FRMPD4: variants seen among roughly 807,000 people sequenced by gnomAD.
The protein encoded by FRMPD4 is FERM and PDZ domain-containing protein 4.
A neutral mutation model predicts 94.1 loss-of-function variants in FRMPD4; 22 were observed. That is an observed-to-expected ratio of 0.23 (90% confidence interval 0.17 to 0.33). The LOEUF (loss-of-function observed/expected upper bound fraction) is 0.33, where lower values mean the gene tolerates loss of function less well. Among genes scored for constraint, FRMPD4 ranks in the 10% least tolerant of loss-of-function variants. FRMPD4 has a pLI of 1.00. For synonymous variants in FRMPD4, 631 were observed against 548.6 expected (o/e 1.15, Z -2.10); for missense variants, 1,111 against 1,339.9 (o/e 0.83, Z 2.67).
intron 1 of FRMPD4, among the ~76,000 whole-genome samples, chrX:12,421,791 G>T (rs750651229): frequency 9.2e-6 from 1 of 108,427 alleles, no homozygotes; most frequent in South Asian, 4.1e-4. Flanking sequence ...AAAAAGCTGG[G>T]GGGGCAGGGG....
intron 3 of FRMPD4, among the ~76,000 whole-genome samples, chrX:12,071,771 T>C (rs2054970722): frequency 9.0e-6 from 1 of 110,892 alleles, no homozygotes; most frequent in Non-Finnish European, 1.9e-5. Flanking sequence ...TACAGGGTGG[T>C]GAAAACTTTC....
At chrX:12,014,475 A>G (rs1716043104) in intron 3 of FRMPD4, among the ~76,000 whole-genome samples, 1 of 112,104 alleles carries the variant, frequency 8.9e-6, no homozygotes, top group African/African-American at 3.2e-5. Context: ...TCACTTCTGC[A>G]AGCTAAAACA....
intron 3 of FRMPD4, among the ~76,000 whole-genome samples, chrX:12,087,248 G>T (rs1383361850): frequency 9.0e-6 from 1 of 111,519 alleles, no homozygotes; most frequent in African/African-American, 3.3e-5. Context: ...TAAGGTTGGG[G>T]GTGGGAGAGG....
At chrX:12,237,312 C>T (rs1338778988) in intron 1 of FRMPD4, among the ~76,000 whole-genome samples, 4 of 111,332 alleles carry the variant, frequency 3.6e-5, no homozygotes, top group Non-Finnish European at 5.7e-5. Context: ...CATGTTCAGA[C>T]ATGCTCCATT....
chrX:12,088,164 C>G (rs2055126111), intron 3 of FRMPD4, among the ~76,000 whole-genome samples: 1 of 111,971 alleles, frequency 8.9e-6, no homozygotes, highest in Non-Finnish European at 1.9e-5. Flanking sequence ...AGCTTCTGAA[C>G]AGCAACCTTA....
intron 2 of FRMPD4, among the ~76,000 whole-genome samples, chrX:12,557,412 T>C (rs2058607299): frequency 8.9e-6 from 1 of 112,320 alleles, no homozygotes. Flanking sequence ...GAAGAAAGCC[T>C]GGCTTCATCA....
intron 3 of FRMPD4, among the ~76,000 whole-genome samples, chrX:11,954,165 A>G (rs930573305): frequency 2.7e-5 from 3 of 112,944 alleles, no homozygotes; most frequent in Non-Finnish European, 5.6e-5. Flanking sequence ...TTTTGTAATT[A>G]AATGGAATTT....
chrX:11,836,671 C>G, intron 1 of FRMPD4, among the ~76,000 whole-genome samples: 1 of 111,604 alleles, frequency 9.0e-6, no homozygotes, highest in East Asian at 2.8e-4. Context: ...ATAGAACAAG[C>G]TACAGAGTTG....
intron 1 of FRMPD4, among the ~76,000 whole-genome samples, chrX:12,405,312 G>A (rs2056654285): frequency 9.0e-6 from 1 of 111,249 alleles, no homozygotes; most frequent in African/African-American, 3.3e-5. Context: ...GGGGGTTGGG[G>A]CACAGTCAGA....
chrX:12,379,467 A>G (rs1163875245), intron 1 of FRMPD4, among the ~76,000 whole-genome samples: 1 of 111,709 alleles, frequency 9.0e-6, no homozygotes, highest in Non-Finnish European at 1.9e-5. Flanking sequence ...ATAAATTGCA[A>G]TTTAAAAATA....
chrX:12,432,465 C>T (rs192941023), intron 1 of FRMPD4, among the ~76,000 whole-genome samples: 2 of 112,143 alleles, frequency 1.8e-5, no homozygotes, highest in East Asian at 2.8e-4. Context: ...AAGGTGTCAA[C>T]CAGAGCCACA....
chrX:12,717,532 G>A lies in FRMPD4; in HGVS notation c.2706G>A (p.Glu902=). 1 of 1,203,180 alleles carries A rather than the reference G, an allele frequency of 8.3e-7. No individual in the cohort carries two copies. Among genetic ancestry groups the A allele is most frequent in the East Asian group, 3.0e-5 (1 of 33,829 alleles). Residue 902 remains glutamate (E), a synonymous_variant, in exon 16 of 17, where the codon GAG becomes GAA. Transcript: ENST00000675598. The stretch of plus-strand genomic sequence containing the variant: ...CCATCTTGCGGGCTTATAGTCCTGA[G>A]TCTTCGTCAGACTCGGGCAATGAAA... ...GVAILRAYSP[E]SSSDSGNETN...
chrX:12,671,850 C>T (rs2148501657), intron 4 of FRMPD4, among the ~76,000 whole-genome samples: 1 of 111,571 alleles, frequency 9.0e-6, no homozygotes, highest in African/African-American at 3.3e-5. Flanking sequence ...TATAACAGCT[C>T]CCCAGGGCCA....
chrX:12,231,000 A>AG lies in FRMPD4; in HGVS notation c.41+91988_41+91989insG, dbSNP rs1278654687. Among the ~76,000 whole-genome samples, 9 of 57,234 alleles carry AG rather than the reference A, an allele frequency of 1.6e-4. 1 individual carries two copies. In the East Asian group the frequency reaches 4.1e-3, roughly 26 times the overall value. The allele number at this position is 57,234 out of a possible 115,157, so 49.7% of individuals were successfully genotyped here. On this transcript the variant is annotated intron_variant, in intron 1 of 16. Coordinates refer to ENST00000675598, the MANE Select transcript of FRMPD4 (RefSeq NM_001368397.1). ...AATATATATAGTATATATAGTATAT[A>AG]TAATATATAGTATATATAGTATATA...
At chrX:12,025,980 T>G (rs774414293) in intron 3 of FRMPD4, among the ~76,000 whole-genome samples, 3 of 112,095 alleles carry the variant, frequency 2.7e-5, no homozygotes, top group Non-Finnish European at 5.6e-5. Flanking sequence ...TGGGGGTAAT[T>G]TGTTACATAG....
At chrX:12,499,327 G>C (rs1227068831) in intron 2 of FRMPD4, among the ~76,000 whole-genome samples, 1 of 111,918 alleles carries the variant, frequency 8.9e-6, no homozygotes, top group Non-Finnish European at 1.9e-5. Flanking sequence ...CTGGTTTTTT[G>C]TTAATTGTGG....
At chrX:12,403,761 G>C (rs2056635820) in intron 1 of FRMPD4, among the ~76,000 whole-genome samples, 1 of 111,287 alleles carries the variant, frequency 9.0e-6, no homozygotes. Flanking sequence ...GATGCTTTCT[G>C]CTCTCCCCTG....
chrX:11,961,642 A>G (rs1486344302), intron 3 of FRMPD4, among the ~76,000 whole-genome samples: 1 of 111,557 alleles, frequency 9.0e-6, no homozygotes, highest in Non-Finnish European at 1.9e-5. Flanking sequence ...AAGCCCCTTC[A>G]CTATGCGGTA....
intron 1 of FRMPD4, among the ~76,000 whole-genome samples, chrX:11,864,235 T>C (rs1039486162): frequency 3.7e-5 from 4 of 109,241 alleles, no homozygotes; most frequent in Non-Finnish European, 7.6e-5. Flanking sequence ...AATGAATAAA[T>C]AAAGACTGCT....
Sources: gnomAD v4.1 joint callset for allele counts (sites outside exome capture counted in the v4.1 genomes callset) on GRCh38, gnomAD v4.1.1 for gene constraint, MANE v1.5 for transcripts, NCBI Gene and HGNC (gene_info 2026-07-23, HGNC 2026-07-21) for gene names.